Variants in GRM8 observed in about 807,000 individuals in gnomAD.
GRM8 encodes metabotropic glutamate receptor 8.
In GRM8, 47 loss-of-function variants were observed where a neutral mutation model predicts 87.2. That is an observed-to-expected ratio of 0.54 (90% CI 0.43 to 0.69). GRM8 has a LOEUF of 0.69. GRM8 is among the 30% of genes least tolerant of loss of function. The pLI, the probability that GRM8 is intolerant of heterozygous loss-of-function variation, is 0.00. For missense variants in GRM8, 1,019 were observed against 1,139.2 expected (o/e 0.89, Z 1.52); for synonymous variants, 396 against 404.5 (o/e 0.98, Z 0.25).
chr7:126,692,528 T>C (rs768062426), intron 7 of GRM8, among the ~76,000 whole-genome samples: 1 of 152,290 alleles, frequency 6.6e-6, no homozygotes, highest in Non-Finnish European at 1.5e-5. Context: ...ATGGCATTAC[T>C]CTCCACATGG....
At chr7:127,093,408 T>C (rs1824344292) in intron 3 of GRM8, among the ~76,000 whole-genome samples, 1 of 152,174 alleles carries the variant, frequency 6.6e-6, no homozygotes, top group Non-Finnish European at 1.5e-5. Flanking sequence ...CCTCTGACAC[T>C]ATCATCAAGC....
chr7:126,709,776 C>T (rs1345512308), intron 7 of GRM8, among the ~76,000 whole-genome samples: 1 of 151,954 alleles, frequency 6.6e-6, no homozygotes, highest in Non-Finnish European at 1.5e-5. Context: ...CCTAAGTGTC[C>T]ATGGACAGAA....
At chr7:127,214,294 C>T (rs182645803) in intron 2 of GRM8, among the ~76,000 whole-genome samples, 8 of 152,204 alleles carry the variant, frequency 5.3e-5, no homozygotes, top group African/African-American at 1.9e-4. Context: ...ATGTTCTGTT[C>T]CTTGATCTGA....
chr7:126,445,075 G>A (rs575549975), intron 10 of GRM8, among the ~76,000 whole-genome samples: 2 of 152,114 alleles, frequency 1.3e-5, no homozygotes, highest in East Asian at 3.9e-4. Context: ...TGAGGTGGGA[G>A]GATCACTTGA....
chr7:127,230,967 G>C (rs561892000), intron 2 of GRM8, among the ~76,000 whole-genome samples: 26 of 152,308 alleles, frequency 1.7e-4, no homozygotes, highest in Non-Finnish European at 3.4e-4. Flanking sequence ...CCACACTGTA[G>C]CCCTTTTTAC....
Position 126,942,497 on chromosome 7 carries a change from T to C in GRM8, c.728-37814A>G, listed in dbSNP as rs964407664. 3.9e-5 allele frequency among the ~76,000 whole-genome samples: 6 copies of C among 152,294 alleles called. 1 individual carries two copies. The highest frequency in any genetic ancestry group is 3.9e-4 in the Admixed American group (6 of 15,302). ...ACAAGCTCAGTTTAGAGGTCAGTGT[T>C]AACAAGGCCAAGGTCCTAGACCTGA... On this transcript the variant is annotated intron_variant, in intron 3 of 10. Transcript: ENST00000339582.
At chr7:126,540,702 T>G (rs1049763896) in intron 8 of GRM8, among the ~76,000 whole-genome samples, 1 of 152,182 alleles carries the variant, frequency 6.6e-6, no homozygotes, top group Non-Finnish European at 1.5e-5. Flanking sequence ...ATATTGCATG[T>G]TTTTATTTTA....
chr7:126,760,712 T>A (rs897780985), intron 7 of GRM8, among the ~76,000 whole-genome samples: 1 of 152,178 alleles, frequency 6.6e-6, no homozygotes, highest in Non-Finnish European at 1.5e-5. Context: ...ATTTCCTCAA[T>A]TGTATTTCTA....
chr7:127,085,898 G>GT (rs1211215529), intron 3 of GRM8, among the ~76,000 whole-genome samples: 1 of 152,136 alleles, frequency 6.6e-6, no homozygotes, highest in Non-Finnish European at 1.5e-5. Context: ...GTCCTGAATG[G>GT]TATTGCCTAG....
intron 7 of GRM8, among the ~76,000 whole-genome samples, chr7:126,734,177 T>A (rs2151489804): frequency 6.6e-6 from 1 of 152,058 alleles, no homozygotes; most frequent in African/African-American, 2.4e-5. Context: ...ATGAGTTGAA[T>A]ACAAAATGTA....
At chr7:126,742,873 C>T (rs182109056) in intron 7 of GRM8, among the ~76,000 whole-genome samples, 11 of 152,116 alleles carry the variant, frequency 7.2e-5, no homozygotes, top group Admixed American at 1.3e-4. Context: ...TAATAATTGC[C>T]TATTTATAAG....
intron 7 of GRM8, among the ~76,000 whole-genome samples, chr7:126,632,185 GA>G (rs34212565): frequency 6.6e-6 from 1 of 151,858 alleles, no homozygotes; most frequent in Non-Finnish European, 1.5e-5. Context: ...AAATTTATAA[GA>G]AAAAAACAAA....
chr7:127,098,453 T>C (rs1336464005), intron 3 of GRM8, among the ~76,000 whole-genome samples: 2 of 152,176 alleles, frequency 1.3e-5, no homozygotes, highest in African/African-American at 4.8e-5. Context: ...TTCTTGTTTA[T>C]AACCCAAGAG....
At chr7:126,905,315 C>CAA (rs1802565175) in intron 3 of GRM8, among the ~76,000 whole-genome samples, 1 of 152,050 alleles carries the variant, frequency 6.6e-6, no homozygotes, top group African/African-American at 2.4e-5. Context: ...ATTTTCACTG[C>CAA]AAATAAAAAG....
intron 3 of GRM8, among the ~76,000 whole-genome samples, chr7:127,050,053 G>A (rs1819317841): frequency 6.6e-6 from 1 of 152,208 alleles, no homozygotes; most frequent in Admixed American, 6.5e-5. Context: ...ATGCCACTTA[G>A]GAAGGATTTT....
intron 3 of GRM8, among the ~76,000 whole-genome samples, chr7:126,969,787 A>T (rs1186908715): frequency 6.6e-6 from 1 of 152,170 alleles, no homozygotes; most frequent in Non-Finnish European, 1.5e-5. Flanking sequence ...CCGGATACAT[A>T]CAGGTATCGC....
At chr7:126,633,834 T>C (rs1358466809) in intron 7 of GRM8, among the ~76,000 whole-genome samples, 1 of 151,820 alleles carries the variant, frequency 6.6e-6, no homozygotes, top group African/African-American at 2.4e-5. Context: ...ACATATAGAA[T>C]GTAAAAATTG....
At chr7:126,692,360 C>T (rs1316129840) in intron 7 of GRM8, among the ~76,000 whole-genome samples, 4 of 152,136 alleles carry the variant, frequency 2.6e-5, no homozygotes, top group Admixed American at 2.0e-4. Flanking sequence ...ATGAGAGTGA[C>T]AAAGAATGAT....
intron 9 of GRM8, among the ~76,000 whole-genome samples, chr7:126,452,766 T>C (rs1802770062): frequency 6.6e-6 from 1 of 151,772 alleles, no homozygotes; most frequent in Non-Finnish European, 1.5e-5. Flanking sequence ...TCAGTCGTTT[T>C]CACTTTGGGA....
Sources: gnomAD v4.1 joint callset for allele counts (sites outside exome capture counted in the v4.1 genomes callset) on GRCh38, gnomAD v4.1.1 for gene constraint, MANE v1.5 for transcripts, NCBI Gene and HGNC (gene_info 2026-07-23, HGNC 2026-07-21) for gene names.